The following ZNF804B variants were observed in gnomAD, a reference collection of about 807,000 sequenced individuals.
ZNF804B encodes zinc finger 804B.
Under a neutral mutation model 101.4 loss-of-function variants are expected in ZNF804B, and 80 were observed. The ratio of observed to expected loss-of-function variants is 0.79; its 90% confidence interval spans 0.66 to 0.95. The LOEUF is 0.95. ZNF804B is among the 40% of genes least tolerant of loss of function. The probability of loss-of-function intolerance (pLI) is 0.00; values close to 1 mark genes in which losing one functional copy is unlikely to be tolerated. For missense variants in ZNF804B, 1,673 were observed against 1,561.9 expected, an observed-to-expected ratio of 1.07 and a Z score of -1.20; for synonymous variants, 622 against 558.8, an observed-to-expected ratio of 1.11 and a Z score of -1.59.
chr7:88,910,974 C>T lies in ZNF804B; in HGVS notation c.108+150890C>T, dbSNP rs557694347. Among the ~76,000 whole-genome samples the T allele has an allele frequency of 1.3e-4, 19 of 151,724 alleles. 1 individual carries two copies. The highest frequency in any genetic ancestry group is 7.7e-4 in the East Asian group (4 of 5,176). ...CATTGAAGTAACTTTAGAATAGAGGCGATAGGTTAACTGGCATTTGTATTA... is the reference window on the plus strand; with the variant it reads ...CATTGAAGTAACTTTAGAATAGAGGTGATAGGTTAACTGGCATTTGTATTA... On this transcript the variant is annotated intron_variant, in intron 1 of 3. Transcript: ENST00000333190.
intron 2 of ZNF804B, among the ~76,000 whole-genome samples, chr7:89,248,282 G>A (rs1167723054): frequency 6.6e-6 from 1 of 151,638 alleles, no homozygotes; most frequent in Non-Finnish European, 1.5e-5. Context: ...TATACAAAAC[G>A]AACAACACCA....
chr7:88,859,338 T>C (rs534578351), intron 1 of ZNF804B, among the ~76,000 whole-genome samples: 4 of 152,208 alleles, frequency 2.6e-5, no homozygotes, highest in African/African-American at 9.6e-5. Context: ...GATTAGGCCA[T>C]TTTTTCATCT....
At chr7:89,143,598 CA>C (rs148176360) in intron 1 of ZNF804B, among the ~76,000 whole-genome samples, 11,171 of 151,922 alleles carry the variant, frequency 0.074, 472 homozygotes, top group South Asian at 0.092. Flanking sequence ...GCATTTTCCC[CA>C]AAAACTTTTT....
At chr7:89,036,166 T>A (rs144064700) in intron 1 of ZNF804B, among the ~76,000 whole-genome samples, 1 of 150,890 alleles carries the variant, frequency 6.6e-6, no homozygotes, top group Non-Finnish European at 1.5e-5. Flanking sequence ...TATATAGAGA[T>A]ATATAGTTCT....
intron 1 of ZNF804B, among the ~76,000 whole-genome samples, chr7:89,105,488 T>C (rs373903857): frequency 6.6e-6 from 1 of 151,978 alleles, no homozygotes; most frequent in Admixed American, 6.6e-5. Flanking sequence ...CCTACCCTTA[T>C]ATGCATTCTT....
intron 1 of ZNF804B, chr7:88,794,230 T>TG: frequency 6.2e-7 from 1 of 1,613,220 alleles, no homozygotes; most frequent in South Asian, 1.1e-5. Context: ...CAGAGTGATG[T>TG]GTATGGGTCT....
intron 1 of ZNF804B, among the ~76,000 whole-genome samples, chr7:88,975,833 C>T (rs1168990232): frequency 6.6e-6 from 1 of 151,206 alleles, no homozygotes; most frequent in Non-Finnish European, 1.5e-5. Flanking sequence ...GTAATACCCC[C>T]AAAGTGCATG....
chr7:88,817,740 A>G (rs1424627390), intron 1 of ZNF804B, among the ~76,000 whole-genome samples: 1 of 152,186 alleles, frequency 6.6e-6, no homozygotes, highest in Non-Finnish European at 1.5e-5. Flanking sequence ...TCCATAATTG[A>G]CTATGATTTC....
At chr7:89,030,059 C>A (rs1055514805) in intron 1 of ZNF804B, among the ~76,000 whole-genome samples, 1 of 152,028 alleles carries the variant, frequency 6.6e-6, no homozygotes, top group Admixed American at 6.6e-5. Context: ...TAATTAAATT[C>A]TTTGGGTGAA....
chr7:88,882,335 A>G (rs1257544117), intron 1 of ZNF804B, among the ~76,000 whole-genome samples: 1 of 152,132 alleles, frequency 6.6e-6, no homozygotes, highest in Non-Finnish European at 1.5e-5. Flanking sequence ...ACCATTTCAC[A>G]CCAGTTAGAA....
intron 1 of ZNF804B, among the ~76,000 whole-genome samples, chr7:89,075,302 A>G (rs10952947): frequency 0.45 from 68,422 of 151,906 alleles, 16,249 homozygotes; most frequent in Non-Finnish European, 0.53. Context: ...CTAGGAGGAA[A>G]AAATGGTTTC....
At chr7:89,286,242 C>T (rs529724093) in intron 2 of ZNF804B, among the ~76,000 whole-genome samples, 1 of 151,952 alleles carries the variant, frequency 6.6e-6, no homozygotes, top group African/African-American at 2.4e-5. Flanking sequence ...TCATTACACA[C>T]AATCCTCTAT....
At chr7:88,908,556 G>T (rs1437463549) in intron 1 of ZNF804B, among the ~76,000 whole-genome samples, 1 of 151,736 alleles carries the variant, frequency 6.6e-6, no homozygotes, top group African/African-American at 2.4e-5. Context: ...CATTTTCAAA[G>T]AATATTTGCA....
At chr7:89,101,916 G>A (rs1451419134) in intron 1 of ZNF804B, among the ~76,000 whole-genome samples, 1 of 151,418 alleles carries the variant, frequency 6.6e-6, no homozygotes, top group South Asian at 2.1e-4. Flanking sequence ...TTATCTACAT[G>A]TGTGCCCTTT....
chr7:88,918,091 A>G (rs1405620066), intron 1 of ZNF804B, among the ~76,000 whole-genome samples: 2 of 152,170 alleles, frequency 1.3e-5, no homozygotes, highest in South Asian at 2.1e-4. Flanking sequence ...TCTCATGGAA[A>G]GATAATGCAA....
At chr7:88,918,186 CAGTG>C (rs1475839511) in intron 1 of ZNF804B, among the ~76,000 whole-genome samples, 1 of 151,988 alleles carries the variant, frequency 6.6e-6, no homozygotes, top group Non-Finnish European at 1.5e-5. Context: ...ACTAGATAAA[CAGTG>C]AGCCTTAGAT....
intron 1 of ZNF804B, among the ~76,000 whole-genome samples, chr7:88,783,656 T>C (rs1790260758): frequency 6.6e-6 from 1 of 152,156 alleles, no homozygotes; most frequent in Non-Finnish European, 1.5e-5. Context: ...AAGAGAAACA[T>C]AGCTGCAGAG....
At chr7:89,074,124 C>A (rs570148299) in intron 1 of ZNF804B, among the ~76,000 whole-genome samples, 13 of 152,238 alleles carry the variant, frequency 8.5e-5, no homozygotes, top group African/African-American at 2.9e-4. Context: ...ATTCCTGAAG[C>A]AAAAACTACC....
intron 1 of ZNF804B, among the ~76,000 whole-genome samples, chr7:88,806,618 T>G (rs1056527189): frequency 2.0e-5 from 3 of 148,688 alleles, no homozygotes; most frequent in African/African-American, 4.9e-5. Context: ...ATTTGAGGGG[T>G]GTGTGTGTGT....
Sources: allele counts gnomAD v4.1 joint callset (sites outside exome capture counted in the v4.1 genomes callset), GRCh38; gene constraint gnomAD v4.1.1; transcripts MANE v1.5; gene names NCBI Gene and HGNC (gene_info 2026-07-23, HGNC 2026-07-21).